The following ATP7A variants were observed in gnomAD, a reference collection of about 807,000 sequenced individuals.
The protein encoded by ATP7A is ATPase copper transporting alpha.
ATP7A carries 7 observed loss-of-function variants against 83.5 expected under a neutral mutation model. The ratio of observed to expected loss-of-function variants is 0.08; its 90% CI spans 0.05 to 0.16. The LOEUF is 0.16. Among genes scored for constraint, ATP7A ranks in the 10% least tolerant of loss-of-function variants. The pLI, the probability that ATP7A is intolerant of heterozygous loss-of-function variation, is 1.00. For synonymous variants in ATP7A, 354 were observed against 395.2 expected, an observed-to-expected ratio of 0.90 and a Z score of 1.24; for missense variants, 940 against 1,120.8, an observed-to-expected ratio of 0.84 and a Z score of 2.30.
intron 1 of ATP7A, among the ~76,000 whole-genome samples, chrX:77,954,501 T>C (rs1228523021): frequency 8.9e-6 from 1 of 112,205 alleles, no homozygotes; most frequent in African/African-American, 3.2e-5. Context: ...GTTTATATAA[T>C]ACTGGTTGTT....
At chrX:77,999,456 A>G (rs1319327484) in intron 5 of ATP7A, among the ~76,000 whole-genome samples, 2 of 112,496 alleles carry the variant, frequency 1.8e-5, no homozygotes, top group African/African-American at 6.4e-5. Context: ...GTTACTTAAT[A>G]TTGTATACAA....
chrX:77,977,619 C>T (rs782813709), intron 2 of ATP7A, among the ~76,000 whole-genome samples: 33 of 112,441 alleles, frequency 2.9e-4, no homozygotes, highest in East Asian at 5.6e-4. Context: ...TGGCTATTTC[C>T]GCTGCATCTT....
chrX:78,027,022 C>T (rs2077949547), intron 14 of ATP7A, among the ~76,000 whole-genome samples: 1 of 109,807 alleles, frequency 9.1e-6, no homozygotes, highest in Admixed American at 9.8e-5. Flanking sequence ...TGGTGGCACG[C>T]ACCTGTAATC....
intron 1 of ATP7A, among the ~76,000 whole-genome samples, chrX:77,941,649 G>A (rs1488724049): frequency 8.9e-6 from 1 of 111,898 alleles, no homozygotes; most frequent in African/African-American, 3.2e-5. Context: ...AAATAGGGAA[G>A]ATGGGCATTA....
intron 4 of ATP7A, among the ~76,000 whole-genome samples, chrX:77,991,061 GAC>G (rs782189935): frequency 2.3e-4 from 26 of 111,691 alleles, no homozygotes. Flanking sequence ...TTTTAAAATT[GAC>G]ACATAGTTCA....
At chrX:77,995,525 G>T (rs1388271801) in intron 4 of ATP7A, among the ~76,000 whole-genome samples, 2 of 89,270 alleles carry the variant, frequency 2.2e-5, no homozygotes, top group African/African-American at 8.7e-5. Context: ...CCGAGATTGC[G>T]CCACTGCACT....
chrX:77,994,649 C>T (rs1157105867), intron 4 of ATP7A, among the ~76,000 whole-genome samples: 1 of 110,786 alleles, frequency 9.0e-6, no homozygotes, highest in African/African-American at 3.3e-5. Flanking sequence ...AAGCGATCTT[C>T]CCACCTCAGC....
At chrX:78,033,889 T>G in intron 17 of ATP7A, 68 bp downstream of exon 17, 1 of 1,036,231 alleles carries the variant, frequency 9.7e-7, no homozygotes, top group Non-Finnish European at 1.4e-6. Flanking sequence ...TTTATAACCC[T>G]GAACTGTTAT....
chrX:78,006,043 T>A (rs1255973279), intron 6 of ATP7A, among the ~76,000 whole-genome samples: 1 of 112,224 alleles, frequency 8.9e-6, no homozygotes, highest in African/African-American at 3.2e-5. Context: ...GATGTTCAAC[T>A]TCATTCGTAA....
At chrX:77,912,099 AT>A (rs1330626274) in intron 1 of ATP7A, among the ~76,000 whole-genome samples, 2 of 112,041 alleles carry the variant, frequency 1.8e-5, no homozygotes, top group African/African-American at 6.5e-5. Flanking sequence ...TTGAACTGGC[AT>A]TTTATTATAT....
intron 6 of ATP7A, among the ~76,000 whole-genome samples, chrX:78,008,621 C>T (rs1352040708): frequency 4.5e-5 from 5 of 110,975 alleles, no homozygotes; most frequent in Non-Finnish European, 9.4e-5. Context: ...AATTTGGAGA[C>T]TTTTAATGAG....
intron 14 of ATP7A, among the ~76,000 whole-genome samples, chrX:78,028,492 C>T (rs1284894878): frequency 1.8e-5 from 2 of 111,644 alleles, no homozygotes; most frequent in African/African-American, 6.5e-5. Flanking sequence ...CCCGGCCATA[C>T]CTGGCTAATT....
intron 12 of ATP7A, among the ~76,000 whole-genome samples, chrX:78,017,765 CTTTTTTTTTTTTTT>C (rs1176316040): frequency 4.6e-4 from 21 of 45,843 alleles, no homozygotes; most frequent in East Asian, 1.5e-3. Flanking sequence ...TTTCTTGTTT[CTTTTTTTTTTTTTT>C]TTTTTTTTTT....
At chrX:77,995,207 C>T (rs1014055849) in intron 4 of ATP7A, among the ~76,000 whole-genome samples, 1 of 111,606 alleles carries the variant, frequency 9.0e-6, no homozygotes, top group African/African-American at 3.3e-5. Flanking sequence ...CATTCTCAGA[C>T]AGAAGGATTG....
chrX:78,003,332 ATAT>A (rs1280007058), intron 6 of ATP7A, 96 bp downstream of exon 6: 38 of 873,650 alleles, frequency 4.3e-5, no homozygotes, highest in South Asian at 1.7e-4. Flanking sequence ...GGTGGGGAAA[ATAT>A]TATGAAAATT....
chrX:78,046,277 C>T lies in ATP7A; in HGVS notation c.4227-17C>T, dbSNP rs782651913. 3 of 1,209,757 alleles carry T rather than the reference C, an allele frequency of 2.5e-6. No homozygotes were observed. Among genetic ancestry groups the T allele is most frequent in the South Asian group, 1.8e-5 (1 of 56,951 alleles). On this transcript the variant is annotated splice_polypyrimidine_tract_variant and intron_variant, in intron 22 of 22. Transcript: ENST00000341514. ...CTTTTGGTTATTTGAAACTAGCATA[C>T]TTTTGCATATGTCCAGTTACAGGAA...
chrX:77,956,767 C>CT (rs1475079051), intron 1 of ATP7A, among the ~76,000 whole-genome samples: 1 of 99,664 alleles, frequency 1.0e-5, no homozygotes, highest in Admixed American at 1.1e-4. Context: ...TTCTTTCTTT[C>CT]TTTCTTTCTT....
chrX:78,028,020 T>TTTAG (rs1557236538), intron 14 of ATP7A, among the ~76,000 whole-genome samples: 3 of 108,183 alleles, frequency 2.8e-5, no homozygotes, highest in Non-Finnish European at 5.7e-5. Flanking sequence ...TATTTATTTA[T>TTTAG]TTATTTATTT....
At chrX:77,984,555 A>G (rs1322445432) in intron 2 of ATP7A, among the ~76,000 whole-genome samples, 1 of 110,386 alleles carries the variant, frequency 9.1e-6, no homozygotes, top group Non-Finnish European at 1.9e-5. Flanking sequence ...TTTGGTAGAG[A>G]CGGGTTTTCC....
Sources: allele counts gnomAD v4.1 joint callset (sites outside exome capture counted in the v4.1 genomes callset), GRCh38; gene constraint gnomAD v4.1.1; transcripts MANE v1.5; gene names NCBI Gene and HGNC (gene_info 2026-07-23, HGNC 2026-07-21).